Variants in CELF2 observed in about 807,000 individuals in gnomAD.
CELF2 encodes the protein CUG triplet repeat RNA-binding protein 2.
A neutral mutation model predicts 62.6 loss-of-function variants in CELF2; 8 were observed. That is an observed-to-expected ratio of 0.13 (90% CI 0.07 to 0.23). The LOEUF is 0.23. CELF2 is among the 10% of genes least tolerant of loss of function. CELF2 has a pLI of 1.00. For synonymous variants in CELF2, 258 were observed against 250.0 expected (o/e 1.03, Z -0.30); for missense variants, 333 against 671.0 (o/e 0.50, Z 5.56).
chr10:11,233,739 G>A (rs1235489766), intron 3 of CELF2, among the ~76,000 whole-genome samples: 1 of 152,144 alleles, frequency 6.6e-6, no homozygotes, highest in Admixed American at 6.5e-5. Flanking sequence ...TGAAGATACC[G>A]GGATGCTACC....
chr10:10,476,591 C>T, the CELF2 span, among the ~76,000 whole-genome samples: 4 of 152,060 alleles, frequency 2.6e-5, no homozygotes, highest in African/African-American at 9.7e-5. Flanking sequence ...GAAAGTTAAA[C>T]TCTGCACTAA....
the CELF2 span, among the ~76,000 whole-genome samples, chr10:10,676,693 G>A: frequency 1.4e-4 from 21 of 152,224 alleles, no homozygotes; most frequent in Middle Eastern, 6.8e-3. Context: ...TGCTCCTGTA[G>A]GTTCTGATTT....
At chr10:11,078,316 A>G (rs2072789991) in intron 1 of CELF2, among the ~76,000 whole-genome samples, 1 of 152,098 alleles carries the variant, frequency 6.6e-6, no homozygotes, top group Non-Finnish European at 1.5e-5. Context: ...GGTGCTACAG[A>G]TTTCATCTTT....
chr10:11,321,236 G>A lies in CELF2; in HGVS notation c.1144G>A (p.Ala382Thr), dbSNP rs372497642. 22 of 1,613,966 alleles carry A rather than the reference G, an allele frequency of 1.4e-5. No individual in the cohort carries two copies. Among genetic ancestry groups the A allele is most frequent in the African/African-American group, 2.7e-5 (2 of 74,926 alleles). The change falls in exon 11 of 13, where the codon GCC (alanine) becomes ACC (threonine). Residue 382 changes from alanine (A) to threonine (T), a missense_variant. Physicochemically the swap from Ala to Thr is moderately conservative, Grantham distance 58. Transcript: ENST00000633077. This position sits in a 1 kb window ranked among gnomAD's most constrained non-coding sequence, Gnocchi z 6.2. The part of the protein sequence containing the change: ...GMAALNGGLG[A>T]TGLTNGTAGT... ...GGCGGCTCTGAATGGAGGACTTGGC[G>A]CCACAGGCTTGACGAATGGCACGGC... is the stretch of plus-strand genomic sequence containing the variant.
intron 2 of CELF2, among the ~76,000 whole-genome samples, chr10:10,958,980 G>A (rs900470379): frequency 6.6e-6 from 1 of 152,144 alleles, no homozygotes; most frequent in African/African-American, 2.4e-5. Flanking sequence ...ATCCAGGCTG[G>A]GCACGGTGGC....
chr10:10,522,253 C>A, the CELF2 span, among the ~76,000 whole-genome samples: 7 of 152,146 alleles, frequency 4.6e-5, no homozygotes, highest in African/African-American at 1.7e-4. Flanking sequence ...AAAGTAGCAG[C>A]CAATTGACCT....
chr10:10,685,308 C>T, the CELF2 span, among the ~76,000 whole-genome samples: 1 of 152,152 alleles, frequency 6.6e-6, no homozygotes. Context: ...CATTTCTTTC[C>T]GTTCTTTAGG....
rs1170874362 is a variant in CELF2, at chr10:11,247,514, C to T, written c.355-1639C>T. Reference sequence around the variant, plus strand: ...GTGGGCTCTGTCCTGCCTCTCCCCACATGCTTGCCAGGGTGCTTACCGGCT... The same window carrying T: ...GTGGGCTCTGTCCTGCCTCTCCCCATATGCTTGCCAGGGTGCTTACCGGCT... On this transcript the variant is annotated intron_variant, in intron 3 of 12. Coordinates refer to ENST00000633077, the MANE Select transcript of CELF2 (RefSeq NM_001326342.2). This position sits in a 1 kb window ranked among gnomAD's most constrained non-coding sequence, Gnocchi z 5.4. 1.3e-5 allele frequency among the ~76,000 whole-genome samples: 2 copies of T among 152,190 alleles called. No individual in the cohort carries two copies.
chr10:10,964,434 T>C lies in CELF2; in HGVS notation c.89+44435T>C, dbSNP rs12571287. On this transcript the variant is annotated intron_variant, in intron 2 of 13. Coordinates refer to the CELF2 transcript ENST00000636488. ...TCATCTCGTGCCTTCAAAAAGGTAA[T>C]TTGCTAAATGGTACTTTTGTAACTT... Among the ~76,000 whole-genome samples, 3,875 of 152,280 alleles carry C rather than the reference T, an allele frequency of 0.025. 324 individuals carry two copies. In the East Asian group the frequency reaches 0.34, roughly 13 times the overall value.
chr10:10,488,391 A>G, the CELF2 span, among the ~76,000 whole-genome samples: 1 of 152,132 alleles, frequency 6.6e-6, no homozygotes, highest in Non-Finnish European at 1.5e-5. Context: ...ATCTGCAACA[A>G]AGAAGCTGGA....
the CELF2 span, among the ~76,000 whole-genome samples, chr10:10,467,097 T>C: frequency 5.3e-4 from 80 of 152,166 alleles, no homozygotes; most frequent in South Asian, 1.7e-3. Flanking sequence ...TATACCAATA[T>C]ACCACTTATA....
At chr10:10,740,870 T>A in the CELF2 span, among the ~76,000 whole-genome samples, 10 of 152,324 alleles carry the variant, frequency 6.6e-5, no homozygotes, top group East Asian at 1.9e-3. Flanking sequence ...ATGCAGGATT[T>A]TTTTTTAAGT....
the CELF2 span, among the ~76,000 whole-genome samples, chr10:10,703,404 C>A: frequency 2.2e-4 from 33 of 152,314 alleles, 1 homozygote; most frequent in East Asian, 5.8e-3. Flanking sequence ...CTAAATGGTT[C>A]AGGCCTGACT....
At chr10:11,279,916 A>C (rs1253977859) in intron 8 of CELF2, among the ~76,000 whole-genome samples, 6 of 152,110 alleles carry the variant, frequency 3.9e-5, no homozygotes. Context: ...AAACTTACTG[A>C]AATGTTTTGC....
In CELF2 at chr10:11,103,687, T is replaced by C. The variant is rs9423841; in HGVS notation, c.75-61799T>C. Among the ~76,000 whole-genome samples the C allele has an allele frequency of 7.9e-3, 1,201 of 152,220 alleles. 6 individuals are homozygous for C. The highest frequency in any genetic ancestry group is 0.012 in the Non-Finnish European group (802 of 68,002). ...ACCTGGCTCATGTTTGATTTGTTGT[T>C]GCAGGGGTGGTATTGGTTATATTTG... On this transcript the variant is annotated intron_variant, in intron 1 of 12. Transcript: ENST00000633077.
chr10:11,072,558 A>G (rs1477563577), intron 1 of CELF2, among the ~76,000 whole-genome samples: 1 of 152,194 alleles, frequency 6.6e-6, no homozygotes, highest in Non-Finnish European at 1.5e-5. Context: ...TTTGAGCATA[A>G]GAGACTCTGG....
the CELF2 span, among the ~76,000 whole-genome samples, chr10:10,621,668 G>A: frequency 2.0e-5 from 3 of 152,134 alleles, no homozygotes; most frequent in Non-Finnish European, 4.4e-5. Context: ...CTTCCTCTTA[G>A]AGTTGGGAAA....
chr10:11,043,695 G>C (rs769555006), intron 1 of CELF2, among the ~76,000 whole-genome samples: 1 of 152,144 alleles, frequency 6.6e-6, no homozygotes, highest in African/African-American at 2.4e-5. Flanking sequence ...CAACAACCTT[G>C]TGGGTTCCGC....
chr10:10,733,708 A>G, the CELF2 span, among the ~76,000 whole-genome samples: 1 of 152,228 alleles, frequency 6.6e-6, no homozygotes, highest in African/African-American at 2.4e-5. Flanking sequence ...GTTTCCCCTT[A>G]TAAAACCATC....
Sources: gnomAD v4.1 joint callset for allele counts (sites outside exome capture counted in the v4.1 genomes callset) on GRCh38, gnomAD v4.1.1 for gene constraint, Gnocchi (gnomAD v3.1) non-coding constraint, MANE v1.5 for transcripts, NCBI Gene and HGNC (gene_info 2026-07-23, HGNC 2026-07-21) for gene names.